The following PPP3CC variants were observed in gnomAD, a reference collection of about 807,000 sequenced individuals.
PPP3CC encodes the protein serine/threonine-protein phosphatase 2B catalytic subunit gamma isoform.
A neutral mutation model predicts 60.3 loss-of-function variants in PPP3CC; 35 were observed. The ratio of observed to expected loss-of-function variants is 0.58; its 90% CI spans 0.44 to 0.77. PPP3CC has a LOEUF of 0.77. Among genes scored for constraint, PPP3CC ranks in the 30% least tolerant of loss-of-function variants. PPP3CC has a pLI of 0.00. For synonymous variants in PPP3CC, 206 were observed against 224.3 expected, an observed-to-expected ratio of 0.92 and a Z score of 0.73; for missense variants, 570 against 628.9, an observed-to-expected ratio of 0.91 and a Z score of 1.00.
At chr8:22,514,722 G>C (rs1174931744) in intron 6 of PPP3CC, among the ~76,000 whole-genome samples, 23 of 119,440 alleles carry the variant, frequency 1.9e-4, no homozygotes, top group Non-Finnish European at 2.3e-4. Flanking sequence ...ACGGAGTCTT[G>C]CTCGGTCACC....
rs772177597 is a variant in PPP3CC, at chr8:22,513,429, A to G, written c.767A>G (p.Tyr256Cys). ...HNTVRGCSYFYSYPAVCEFLQ... is the reference protein window; with the variant it reads ...HNTVRGCSYFCSYPAVCEFLQ... ...ACTGTCCGAGGGTGCTCTTATTTCT[A>G]CAGGTAAGCTAGTCCTTGAGGTCGA... Residue 256 changes from tyrosine (Y) to cysteine (C), a missense_variant, in exon 6 of 14, where the codon TAC becomes TGC. By Grantham distance (194) the Tyr-to-Cys change is radical (BLOSUM62 -2). Coordinates refer to ENST00000240139, the MANE Select transcript of PPP3CC (RefSeq NM_005605.5). 12 of 1,598,366 alleles carry G rather than the reference A, an allele frequency of 7.5e-6. No individual in the cohort carries two copies. The Admixed American group carries it at 2.0e-4, about 26-fold the overall frequency.
At chr8:22,462,368 T>G (rs1837386740) in intron 1 of PPP3CC, among the ~76,000 whole-genome samples, 1 of 152,182 alleles carries the variant, frequency 6.6e-6, no homozygotes, top group Non-Finnish European at 1.5e-5. Flanking sequence ...TGCAAGCAAT[T>G]TGTAGTGTAA....
intron 1 of PPP3CC, among the ~76,000 whole-genome samples, chr8:22,454,173 C>G (rs1255646580): frequency 6.6e-6 from 1 of 152,170 alleles, no homozygotes; most frequent in Non-Finnish European, 1.5e-5. Flanking sequence ...TATTTTCTTT[C>G]ATATCCTTAT....
intron 4 of PPP3CC, among the ~76,000 whole-genome samples, chr8:22,510,433 A>C (rs1191319288): frequency 1.3e-5 from 2 of 152,222 alleles, no homozygotes; most frequent in African/African-American, 4.8e-5. Flanking sequence ...GTTTCCACTT[A>C]TATATCTTCA....
At chr8:22,512,724 G>A (rs191000463) in intron 5 of PPP3CC, among the ~76,000 whole-genome samples, 74 of 152,264 alleles carry the variant, frequency 4.9e-4, no homozygotes, top group African/African-American at 1.6e-3. Flanking sequence ...ACTGCTTTAC[G>A]ATTAGGATGT....
intron 1 of PPP3CC, among the ~76,000 whole-genome samples, chr8:22,448,669 G>A (rs956704797): frequency 6.6e-6 from 1 of 152,096 alleles, no homozygotes; most frequent in Non-Finnish European, 1.5e-5. Context: ...GTGAGCCACC[G>A]TGCCTGGCCT....
At chr8:22,477,391 C>A (rs901825872) in intron 3 of PPP3CC, among the ~76,000 whole-genome samples, 2 of 151,606 alleles carry the variant, frequency 1.3e-5, no homozygotes, top group Non-Finnish European at 2.9e-5. Context: ...GCAGGATAAT[C>A]ACTTGAACCT....
chr8:22,477,071 G>A (rs1041266997), intron 3 of PPP3CC, among the ~76,000 whole-genome samples: 13 of 152,110 alleles, frequency 8.5e-5, no homozygotes, highest in African/African-American at 2.9e-4. Flanking sequence ...AATGTCCAAG[G>A]TCTCTAAATA....
intron 5 of PPP3CC, among the ~76,000 whole-genome samples, chr8:22,512,607 G>A (rs1397291986): frequency 6.6e-6 from 1 of 152,102 alleles, no homozygotes; most frequent in Admixed American, 6.6e-5. Flanking sequence ...CTGCTGTCAT[G>A]GTAACATTGG....
chr8:22,496,545 T>G (rs1210127943), intron 3 of PPP3CC, among the ~76,000 whole-genome samples: 1 of 132,830 alleles, frequency 7.5e-6, no homozygotes, highest in Non-Finnish European at 1.6e-5. Flanking sequence ...TCACCCAGGC[T>G]GGAGTGCAGC....
intron 3 of PPP3CC, among the ~76,000 whole-genome samples, chr8:22,490,319 G>A (rs1838362220): frequency 6.6e-6 from 1 of 152,114 alleles, no homozygotes; most frequent in Non-Finnish European, 1.5e-5. Flanking sequence ...GTGGAACCTG[G>A]CAATCTGTAT....
In PPP3CC at chr8:22,522,439, TA is replaced by T. The variant is rs140641925; in HGVS notation, c.771-44del. On this transcript the variant is annotated intron_variant, in intron 6 of 13. Coordinates refer to ENST00000240139, the MANE Select transcript of PPP3CC (RefSeq NM_005605.5). Reference sequence around the variant, plus strand: ...CCTTGACTTTTCCCCATCTTCCTATTAAAAAAAATTGTTTTAATTCTGGATT... The same window carrying T: ...CCTTGACTTTTCCCCATCTTCCTATTAAAAAAATTGTTTTAATTCTGGATT... 5,930 of 1,433,196 alleles carry T rather than the reference TA, an allele frequency of 4.1e-3. 224 individuals are homozygous for T. The African/African-American group carries it at 0.07, about 17-fold the overall frequency. The allele number at this position is 1,433,196 out of a possible 1,614,324, so 88.8% of individuals were successfully genotyped here. A position where few individuals can be genotyped will look rare whatever the true frequency, so the allele number is the denominator to read the frequency against.
intron 4 of PPP3CC, among the ~76,000 whole-genome samples, chr8:22,502,289 T>TAAC (rs1029259036): frequency 4.6e-5 from 7 of 152,170 alleles, no homozygotes; most frequent in African/African-American, 7.2e-5. Flanking sequence ...GTGTTAATTG[T>TAAC]AACAACAACA....
intron 1 of PPP3CC, among the ~76,000 whole-genome samples, chr8:22,466,066 C>G (rs1453943278): frequency 6.6e-6 from 1 of 152,072 alleles, no homozygotes; most frequent in East Asian, 1.9e-4. Flanking sequence ...CAATTCCCAC[C>G]CAAGAGTGAG....
At chr8:22,525,456 C>G (rs1005491818) in intron 8 of PPP3CC, among the ~76,000 whole-genome samples, 1 of 150,378 alleles carries the variant, frequency 6.6e-6, no homozygotes, top group African/African-American at 2.5e-5. Context: ...TTCTCTCTCT[C>G]TTTCTTTTCT....
chr8:22,509,839 C>T (rs570586886), intron 4 of PPP3CC, among the ~76,000 whole-genome samples: 1 of 152,098 alleles, frequency 6.6e-6, no homozygotes, highest in African/African-American at 2.4e-5. Context: ...GTAGCTTGGA[C>T]AGCAGGTGTG....
chr8:22,508,005 G>T (rs532866670), intron 4 of PPP3CC, among the ~76,000 whole-genome samples: 1 of 152,292 alleles, frequency 6.6e-6, no homozygotes, highest in East Asian at 1.9e-4. Flanking sequence ...TGTAATCCCA[G>T]CACTTTGGGA....
At chr8:22,531,210 A>ATT in intron 10 of PPP3CC, 6 of 1,244,148 alleles carry the variant, frequency 4.8e-6, no homozygotes, top group East Asian at 2.6e-5. Flanking sequence ...TTTCACTTTG[A>ATT]TTTTTTTTTC....
intron 3 of PPP3CC, among the ~76,000 whole-genome samples, chr8:22,487,707 T>C (rs1042952311): frequency 6.6e-6 from 1 of 152,156 alleles, no homozygotes; most frequent in African/African-American, 2.4e-5. Flanking sequence ...TAATTGATTT[T>C]GTGAGAAAAG....
Sources: gnomAD v4.1 joint callset for allele counts (sites outside exome capture counted in the v4.1 genomes callset) on GRCh38, gnomAD v4.1.1 for gene constraint, MANE v1.5 for transcripts, NCBI Gene and HGNC (gene_info 2026-07-23, HGNC 2026-07-21) for gene names.